Variants in DCDC1 observed in about 807,000 individuals in gnomAD.
DCDC1 encodes the protein doublecortin domain containing 1, also known as doublecortin domain-containing protein 1.
In DCDC1, 200 loss-of-function variants were observed where a neutral mutation model predicts 178.3. The ratio of observed to expected loss-of-function variants is 1.12; its 90% confidence interval spans 1.00 to 1.26. The LOEUF is 1.26. DCDC1 is among the 50% of genes most tolerant of loss of function. The pLI is 0.00. For missense variants in DCDC1, 1,983 were observed against 1,749.2 expected, an observed-to-expected ratio of 1.13 and a Z score of -2.38; for synonymous variants, 690 against 604.8, an observed-to-expected ratio of 1.14 and a Z score of -2.07.
intron 9 of DCDC1, among the ~76,000 whole-genome samples, chr11:31,148,756 T>C (rs1450693431): frequency 6.6e-6 from 1 of 152,144 alleles, no homozygotes; most frequent in Non-Finnish European, 1.5e-5. Flanking sequence ...CTTCTTTTTT[T>C]ATTTCAATAG....
intron 26 of DCDC1, 151 bp downstream of exon 26, chr11:30,916,719 A>T (rs1473281865): frequency 1.0e-6 from 1 of 989,974 alleles, no homozygotes; most frequent in Admixed American, 3.7e-5. Context: ...AATTTTGTAA[A>T]TATTTTAATC....
intron 20 of DCDC1, among the ~76,000 whole-genome samples, chr11:30,968,948 A>T (rs1210571287): frequency 6.6e-6 from 1 of 151,886 alleles, no homozygotes; most frequent in African/African-American, 2.4e-5. Flanking sequence ...CATTTGCATG[A>T]TATAATTTGC....
chr11:31,224,612 A>G (rs997971564), intron 9 of DCDC1, among the ~76,000 whole-genome samples: 3 of 152,164 alleles, frequency 2.0e-5, no homozygotes, highest in African/African-American at 4.8e-5. Flanking sequence ...TATGCAGCAG[A>G]CAAAAAACTA....
intron 20 of DCDC1, among the ~76,000 whole-genome samples, chr11:31,014,906 T>G (rs2135147707): frequency 6.6e-6 from 1 of 152,286 alleles, no homozygotes; most frequent in Non-Finnish European, 1.5e-5. Context: ...GATTTAAATT[T>G]CATTCATTAT....
intron 20 of DCDC1, among the ~76,000 whole-genome samples, chr11:30,981,748 A>G (rs1950404104): frequency 6.6e-6 from 1 of 152,176 alleles, no homozygotes; most frequent in Non-Finnish European, 1.5e-5. Context: ...GCTAATAAAG[A>G]TCTGTTCAAC....
At chr11:31,328,933 C>T (rs2133091524) in intron 2 of DCDC1, among the ~76,000 whole-genome samples, 1 of 142,888 alleles carries the variant, frequency 7.0e-6, no homozygotes, top group Non-Finnish European at 1.5e-5. Context: ...ACTGAAAAAG[C>T]ACACCACAAG....
chr11:30,906,722 AT>A lies in DCDC1; in HGVS notation c.3921del (p.Tyr1308ThrfsTer22). 1 of 1,611,544 alleles carries A rather than the reference AT, an allele frequency of 6.2e-7. No homozygotes were observed. ...VIKEENIDQP[G>X]YCYLSPDGKR... is the part of the protein sequence containing the mutation. ...TTTCCATCAGGTGAGAGATAACAGT[AT>A]CCCTAAAATGGGAGACAAAGATGGC... On this transcript the variant is annotated frameshift_variant and splice_region_variant, in exon 30 of 39. Coordinates refer to ENST00000684477, the MANE Select transcript of DCDC1 (RefSeq NM_001387274.1). LOFTEE classifies it high-confidence loss of function.
intron 8 of DCDC1, among the ~76,000 whole-genome samples, chr11:31,250,411 CACACATAT>C (rs1943906179): frequency 5.1e-5 from 5 of 97,594 alleles, no homozygotes; most frequent in East Asian, 5.7e-4. Context: ...CACACACACA[CACACATAT>C]ACATATATAT....
intron 3 of DCDC1, among the ~76,000 whole-genome samples, chr11:31,311,564 G>A (rs946189722): frequency 2.0e-5 from 3 of 152,108 alleles, no homozygotes; most frequent in Admixed American, 2.0e-4. Flanking sequence ...TAATCACAGA[G>A]GAATATAAGA....
At chr11:30,939,885 T>C (rs1403923251) in intron 21 of DCDC1, among the ~76,000 whole-genome samples, 1 of 152,238 alleles carries the variant, frequency 6.6e-6, no homozygotes, top group Non-Finnish European at 1.5e-5. Flanking sequence ...GTAAAACTAT[T>C]AGATCATGAA....
intron 20 of DCDC1, among the ~76,000 whole-genome samples, chr11:30,968,671 A>G (rs1444182328): frequency 1.4e-5 from 2 of 141,350 alleles, no homozygotes; most frequent in Non-Finnish European, 3.0e-5. Flanking sequence ...CATCAAATAT[A>G]TATATCAAAT....
intron 30 of DCDC1, 160 bp downstream of exon 30, chr11:30,906,380 G>A: frequency 1.4e-6 from 1 of 719,232 alleles, no homozygotes; most frequent in Admixed American, 3.0e-5. Flanking sequence ...AAATTACAAT[G>A]GGGAAAAGGA....
At chr11:31,158,254 A>G (rs1026832322) in intron 9 of DCDC1, among the ~76,000 whole-genome samples, 3 of 148,652 alleles carry the variant, frequency 2.0e-5, no homozygotes, top group South Asian at 2.1e-4. Context: ...GACTACAGGC[A>G]CCCGCCATCA....
intron 20 of DCDC1, among the ~76,000 whole-genome samples, chr11:31,028,259 G>A (rs1022215835): frequency 6.6e-6 from 1 of 151,750 alleles, no homozygotes; most frequent in Non-Finnish European, 1.5e-5. Flanking sequence ...GATTGTTTTT[G>A]AATAATACAG....
At chr11:31,100,720 A>T (rs531693573) in intron 15 of DCDC1, among the ~76,000 whole-genome samples, 68 of 152,306 alleles carry the variant, frequency 4.5e-4, no homozygotes, top group Admixed American at 2.7e-3. Context: ...GTAAGTTGAG[A>T]GCGGAGGTAG....
intron 21 of DCDC1, among the ~76,000 whole-genome samples, chr11:30,944,976 T>G (rs934158708): frequency 7.2e-6 from 1 of 139,484 alleles, no homozygotes; most frequent in Admixed American, 7.2e-5. Flanking sequence ...TTTTTTTTTT[T>G]TTTTTTTTTT....
intron 9 of DCDC1, among the ~76,000 whole-genome samples, chr11:31,165,230 C>A (rs1371589270): frequency 6.6e-6 from 1 of 152,144 alleles, no homozygotes; most frequent in Admixed American, 6.5e-5. Flanking sequence ...TTTTGTCAAT[C>A]TAATAGGTAA....
At chr11:30,935,998 C>A (rs997489878) in intron 21 of DCDC1, among the ~76,000 whole-genome samples, 5 of 152,130 alleles carry the variant, frequency 3.3e-5, no homozygotes, top group African/African-American at 4.8e-5. Flanking sequence ...CAGCTGTTTG[C>A]ACAGCGGTCT....
chr11:30,933,957 A>G (rs570285575), intron 21 of DCDC1, among the ~76,000 whole-genome samples: 1 of 152,320 alleles, frequency 6.6e-6, no homozygotes, highest in East Asian at 1.9e-4. Context: ...GAATGAAAGT[A>G]CAACATTTTC....
Sources: allele counts gnomAD v4.1 joint callset (sites outside exome capture counted in the v4.1 genomes callset), GRCh38; gene constraint gnomAD v4.1.1; transcripts MANE v1.5; gene names NCBI Gene and HGNC (gene_info 2026-07-23, HGNC 2026-07-21).